DCDC1: variants seen among roughly 807,000 people sequenced by gnomAD.
DCDC1 encodes doublecortin domain-containing protein 1.
In DCDC1, 200 loss-of-function variants were observed where a neutral mutation model predicts 178.3. That is an observed-to-expected ratio of 1.12 (90% CI 1.00 to 1.26). The LOEUF (loss-of-function observed/expected upper bound fraction) is 1.26, where lower values mean the gene tolerates loss of function less well. DCDC1 is among the 50% of genes most tolerant of loss of function. The pLI, the probability that DCDC1 is intolerant of heterozygous loss-of-function variation, is 0.00. For missense variants in DCDC1, 1,983 were observed against 1,749.2 expected, an observed-to-expected ratio of 1.13 and a Z score of -2.38; for synonymous variants, 690 against 604.8, an observed-to-expected ratio of 1.14 and a Z score of -2.07.
chr11:31,252,591 A>G (rs964194052), intron 8 of DCDC1, among the ~76,000 whole-genome samples: 3 of 152,090 alleles, frequency 2.0e-5, no homozygotes, highest in East Asian at 1.9e-4. Context: ...ACTGTGTACA[A>G]TTTAGGGCCC....
At chr11:31,149,499 C>T (rs1327134945) in intron 9 of DCDC1, among the ~76,000 whole-genome samples, 1 of 151,140 alleles carries the variant, frequency 6.6e-6, no homozygotes, top group Non-Finnish European at 1.5e-5. Flanking sequence ...CCCCAGCCAG[C>T]AGCAGCAACC....
At chr11:30,989,734 T>C (rs1950868130) in intron 20 of DCDC1, among the ~76,000 whole-genome samples, 1 of 152,156 alleles carries the variant, frequency 6.6e-6, no homozygotes, top group Admixed American at 6.6e-5. Flanking sequence ...TAATATATAA[T>C]ATTGTGCATT....
chr11:31,012,232 T>C (rs1452594823), intron 20 of DCDC1, among the ~76,000 whole-genome samples: 3 of 152,210 alleles, frequency 2.0e-5, no homozygotes, highest in African/African-American at 4.8e-5. Context: ...TATTTCTTTA[T>C]GGCAGTGTAA....
chr11:30,904,127 A>G (rs1218744242), intron 31 of DCDC1: 1 of 152,460 alleles, frequency 6.6e-6, no homozygotes, highest in Non-Finnish European at 1.5e-5. Flanking sequence ...TTGCAGATGG[A>G]AAAACAGGAT....
chr11:31,207,862 C>T (rs1972054749), intron 9 of DCDC1, among the ~76,000 whole-genome samples: 1 of 152,192 alleles, frequency 6.6e-6, no homozygotes, highest in Non-Finnish European at 1.5e-5. Flanking sequence ...TAAAAACCAA[C>T]ATCTAGTCAA....
chr11:31,074,666 T>C (rs1956762991), intron 18 of DCDC1, among the ~76,000 whole-genome samples: 1 of 152,182 alleles, frequency 6.6e-6, no homozygotes, highest in Non-Finnish European at 1.5e-5. Flanking sequence ...TGACCCAGTC[T>C]GTGGTATTTT....
In DCDC1 at chr11:31,057,660, G is replaced by A. The variant is rs561946337; in HGVS notation, c.2591+6809C>T. Among the ~76,000 whole-genome samples, 22 of 152,196 alleles carry A rather than the reference G, an allele frequency of 1.4e-4. No individual in the cohort carries two copies. The South Asian group carries it at 4.1e-3, about 29-fold the overall frequency. On this transcript the variant is annotated intron_variant, in intron 20 of 38. Transcript: ENST00000684477. ...GGTTTTAGGTAGATAAAAGGGAATAGGAGTGTTTGAGACAAGCAAACTAGC... is the reference window on the plus strand; with the variant it reads ...GGTTTTAGGTAGATAAAAGGGAATAAGAGTGTTTGAGACAAGCAAACTAGC...
intron 6 of DCDC1, among the ~76,000 whole-genome samples, chr11:31,294,814 GAAAGAAA>G (rs1947535957): frequency 2.6e-5 from 2 of 76,944 alleles, no homozygotes; most frequent in Non-Finnish European, 5.7e-5. Flanking sequence ...AAGAAAGAAA[GAAAGAAA>G]GAAAGAAAGA....
At chr11:30,948,248 T>C (rs1948181785) in intron 21 of DCDC1, among the ~76,000 whole-genome samples, 2 of 152,088 alleles carry the variant, frequency 1.3e-5, no homozygotes, top group African/African-American at 4.8e-5. Flanking sequence ...TGAACTCCCA[T>C]TCATAATTGC....
chr11:31,022,813 T>C (rs1459581348), intron 20 of DCDC1, among the ~76,000 whole-genome samples: 1 of 151,936 alleles, frequency 6.6e-6, no homozygotes, highest in Non-Finnish European at 1.5e-5. Context: ...AACTAGATTA[T>C]AAGTACCTCA....
intron 34 of DCDC1, 62 bp from the exon 35 acceptor site, chr11:30,894,446 C>A: frequency 3.8e-6 from 6 of 1,589,490 alleles, no homozygotes; most frequent in Non-Finnish European, 5.1e-6. Flanking sequence ...TTCAAATAAA[C>A]TGATTTGGCT....
At chr11:31,069,500 A>G (rs1956433834) in intron 18 of DCDC1, among the ~76,000 whole-genome samples, 1 of 152,196 alleles carries the variant, frequency 6.6e-6, no homozygotes, top group African/African-American at 2.4e-5. Context: ...AAAAACATCA[A>G]AGCCCAAATT....
At chr11:31,323,187 G>T (rs1949460659) in intron 3 of DCDC1, among the ~76,000 whole-genome samples, 1 of 152,222 alleles carries the variant, frequency 6.6e-6, no homozygotes, top group East Asian at 1.9e-4. Flanking sequence ...AAATTTGCAT[G>T]TGGCTAATAA....
At chr11:30,930,992 TAATC>T (rs1346760225) in intron 22 of DCDC1, among the ~76,000 whole-genome samples, 5 of 152,144 alleles carry the variant, frequency 3.3e-5, no homozygotes, top group African/African-American at 1.2e-4. Flanking sequence ...GAAGTATATT[TAATC>T]AATGTGAAAA....
rs1966181966 is a variant in DCDC1, at chr11:31,160,251, T to C, written c.1222-22467A>G. 2.6e-5 allele frequency among the ~76,000 whole-genome samples: 4 copies of C among 152,196 alleles called. No individual in the cohort carries two copies. In the South Asian group the frequency reaches 8.3e-4, roughly 31 times the overall value. ...GAATCAACTTAAGATACAAACTTAA[T>C]ACATTTTTAATATTTGTTTTTACTA... On this transcript the variant is annotated intron_variant, in intron 9 of 38. Coordinates refer to ENST00000684477, the MANE Select transcript of DCDC1 (RefSeq NM_001387274.1).
chr11:31,114,468 G>A (rs1959554231), intron 11 of DCDC1, among the ~76,000 whole-genome samples: 2 of 152,138 alleles, frequency 1.3e-5, no homozygotes, highest in Admixed American at 1.3e-4. Flanking sequence ...CTGGAATCAA[G>A]GAGTGTGATG....
At chr11:31,360,202 C>T (rs569917896) in intron 1 of DCDC1, among the ~76,000 whole-genome samples, 34 of 152,288 alleles carry the variant, frequency 2.2e-4, no homozygotes, top group Admixed American at 6.5e-5. Flanking sequence ...TCCTCAGCTA[C>T]TGGTTTGTTA....
chr11:30,891,123 C>G (rs529199790), intron 36 of DCDC1, among the ~76,000 whole-genome samples: 3 of 152,284 alleles, frequency 2.0e-5, no homozygotes, highest in African/African-American at 7.2e-5. Flanking sequence ...TTTTTTAAAA[C>G]TCTGTCAATT....
At chr11:31,326,169 G>A (rs973200118) in intron 3 of DCDC1, among the ~76,000 whole-genome samples, 2 of 152,006 alleles carry the variant, frequency 1.3e-5, no homozygotes, top group Non-Finnish European at 2.9e-5. Context: ...AAAGAAGTTA[G>A]GATTCAAACA....
Sources: gnomAD v4.1 joint callset for allele counts (sites outside exome capture counted in the v4.1 genomes callset) on GRCh38, gnomAD v4.1.1 for gene constraint, MANE v1.5 for transcripts, NCBI Gene and HGNC (gene_info 2026-07-23, HGNC 2026-07-21) for gene names.